Variants in SLC44A5 observed in about 807,000 individuals in gnomAD.
SLC44A5 encodes the protein solute carrier family 44 member 5.
Under a neutral mutation model 101.8 loss-of-function variants are expected in SLC44A5, and 57 were observed. The ratio of observed to expected loss-of-function variants is 0.56; its 90% confidence interval spans 0.45 to 0.70. SLC44A5 has a LOEUF of 0.70. Ranked by LOEUF, SLC44A5 falls within the 30% of genes least tolerant of loss-of-function variation. SLC44A5 has a pLI of 0.00. For synonymous variants in SLC44A5, 281 were observed against 290.9 expected (o/e 0.97, Z 0.35); for missense variants, 737 against 853.1 (o/e 0.86, Z 1.70).
the SLC44A5 span, among the ~76,000 whole-genome samples, chr1:75,713,714 C>A: frequency 2.0e-5 from 3 of 152,034 alleles, no homozygotes; most frequent in South Asian, 6.2e-4. Context: ...TAAGTCCTGC[C>A]CTTAGGTCAA....
At chr1:75,375,742 A>C (rs1293375036) in intron 3 of SLC44A5, among the ~76,000 whole-genome samples, 1 of 152,194 alleles carries the variant, frequency 6.6e-6, no homozygotes, top group Non-Finnish European at 1.5e-5. Flanking sequence ...TTTGTATCTC[A>C]CCAAACTAAT....
At chr1:75,609,080 T>C (rs1675498167) in intron 1 of SLC44A5, among the ~76,000 whole-genome samples, 1 of 151,830 alleles carries the variant, frequency 6.6e-6, no homozygotes, top group African/African-American at 2.4e-5. Context: ...TTAACACTTA[T>C]TGAATGAATA....
chr1:75,615,430 CATACAT>C (rs1256542605), upstream of SLC44A5, among the ~76,000 whole-genome samples: 9 of 81,894 alleles, frequency 1.1e-4, no homozygotes, highest in East Asian at 5.7e-4. Context: ...CACACACACA[CATACAT>C]ACACACACAC....
intron 3 of SLC44A5, among the ~76,000 whole-genome samples, chr1:75,386,614 C>T (rs1371149908): frequency 3.3e-5 from 5 of 152,110 alleles, no homozygotes; most frequent in Non-Finnish European, 5.9e-5. Context: ...AAGTCAATAT[C>T]GTGAAAATGG....
chr1:75,395,003 T>C (rs1256651218), intron 3 of SLC44A5, among the ~76,000 whole-genome samples: 2 of 152,080 alleles, frequency 1.3e-5, no homozygotes, highest in East Asian at 3.9e-4. Flanking sequence ...GGAAATGGCA[T>C]AGTACAATAT....
intron 2 of SLC44A5, among the ~76,000 whole-genome samples, chr1:75,496,169 A>C (rs1231995573): frequency 6.6e-6 from 1 of 152,086 alleles, no homozygotes; most frequent in Non-Finnish European, 1.5e-5. Flanking sequence ...AAGAAGAACA[A>C]AGTTGACAAC....
At chr1:75,253,602 C>T (rs974413764) in intron 6 of SLC44A5, among the ~76,000 whole-genome samples, 1 of 152,164 alleles carries the variant, frequency 6.6e-6, no homozygotes, top group Non-Finnish European at 1.5e-5. Context: ...CACAGTCTCA[C>T]AGTGCATGTG....
At chr1:75,303,157 C>T (rs895780417) in intron 4 of SLC44A5, among the ~76,000 whole-genome samples, 1 of 152,050 alleles carries the variant, frequency 6.6e-6, no homozygotes, top group African/African-American at 2.4e-5. Context: ...CTAGGAAGAT[C>T]AATGAAAGAA....
At chr1:75,335,757 T>A (rs1279626289) in intron 4 of SLC44A5, among the ~76,000 whole-genome samples, 3 of 152,220 alleles carry the variant, frequency 2.0e-5, no homozygotes, top group Non-Finnish European at 4.4e-5. Context: ...AATTTCTAGT[T>A]TAACTCTTAG....
At chr1:75,347,554 A>G (rs1298000833) in intron 3 of SLC44A5, among the ~76,000 whole-genome samples, 4 of 152,144 alleles carry the variant, frequency 2.6e-5, no homozygotes, top group South Asian at 2.1e-4. Context: ...AACTATAAAC[A>G]GGAGAAACAG....
chr1:75,239,333 C>A (rs1246186800), intron 9 of SLC44A5, among the ~76,000 whole-genome samples: 1 of 151,964 alleles, frequency 6.6e-6, no homozygotes, highest in African/African-American at 2.4e-5. Context: ...ACATTTATTT[C>A]TAAAAATATT....
At chr1:75,712,437 G>T in the SLC44A5 span, among the ~76,000 whole-genome samples, 1 of 152,218 alleles carries the variant, frequency 6.6e-6, no homozygotes, top group East Asian at 1.9e-4. Context: ...TAGTTCCTGG[G>T]ATCTAAGCCA....
intron 2 of SLC44A5, among the ~76,000 whole-genome samples, chr1:75,511,562 A>G (rs943702371): frequency 6.6e-6 from 1 of 152,196 alleles, no homozygotes; most frequent in Non-Finnish European, 1.5e-5. Context: ...TATTAAATTT[A>G]TTTTAATATA....
intron 4 of SLC44A5, among the ~76,000 whole-genome samples, chr1:75,333,040 T>G (rs1236723469): frequency 2.0e-5 from 3 of 151,968 alleles, no homozygotes; most frequent in African/African-American, 7.2e-5. Flanking sequence ...AAATTATGAT[T>G]GAAAACCTAT....
At chr1:75,687,165 C>G in the SLC44A5 span, among the ~76,000 whole-genome samples, 1 of 152,212 alleles carries the variant, frequency 6.6e-6, no homozygotes, top group Non-Finnish European at 1.5e-5. Context: ...TAAATTTGAC[C>G]TAGGTTTCAC....
intron 2 of SLC44A5, among the ~76,000 whole-genome samples, chr1:75,474,547 T>C (rs774303674): frequency 6.6e-6 from 1 of 152,198 alleles, no homozygotes; most frequent in African/African-American, 2.4e-5. Flanking sequence ...TATAGGTCAT[T>C]AGCTAATCTT....
chr1:75,531,999 A>G (rs1243483486), intron 2 of SLC44A5, among the ~76,000 whole-genome samples: 5 of 152,204 alleles, frequency 3.3e-5, no homozygotes, highest in African/African-American at 7.2e-5. Flanking sequence ...TGCCCAAACC[A>G]TCAATGGAAA....
intron 1 of SLC44A5, among the ~76,000 whole-genome samples, 184 bp from the exon 2 acceptor site, chr1:75,541,700 GC>G (rs1671363172): frequency 6.6e-6 from 1 of 152,106 alleles, no homozygotes; most frequent in South Asian, 2.1e-4. Flanking sequence ...TGGAGAAGCA[GC>G]CTTTCTCCTT....
At chr1:75,573,189 A>G (rs1302194168) in intron 1 of SLC44A5, among the ~76,000 whole-genome samples, 2 of 150,664 alleles carry the variant, frequency 1.3e-5, no homozygotes, top group East Asian at 3.9e-4. Flanking sequence ...AGCAAGAAAT[A>G]ATGATACATA....
Sources: gnomAD v4.1 joint callset for allele counts (sites outside exome capture counted in the v4.1 genomes callset) on GRCh38, gnomAD v4.1.1 for gene constraint, MANE v1.5 for transcripts, NCBI Gene and HGNC (gene_info 2026-07-23, HGNC 2026-07-21) for gene names.